Variants in CTSZ observed in about 807,000 individuals in gnomAD.
CTSZ encodes the protein cathepsin Z, also known as carboxypeptidase LB.
In CTSZ, 39 loss-of-function variants were observed where a neutral mutation model predicts 32.4. The observed-to-expected ratio is 1.20, with a 90% CI of 0.93 to 1.57. The LOEUF (loss-of-function observed/expected upper bound fraction) is 1.57, where lower values mean the gene tolerates loss of function less well. CTSZ is among the 40% of genes most tolerant of loss of function. The probability of loss-of-function intolerance (pLI) is 0.00; values close to 1 mark genes in which losing one functional copy is unlikely to be tolerated. For synonymous variants in CTSZ, 168 were observed against 170.1 expected, an observed-to-expected ratio of 0.99 and a Z score of 0.10; for missense variants, 397 against 419.6, an observed-to-expected ratio of 0.95 and a Z score of 0.47.
intron 2 of CTSZ, among the ~76,000 whole-genome samples, chr20:59,005,347 C>A (rs542783744): frequency 1.3e-5 from 2 of 152,304 alleles, no homozygotes; most frequent in Admixed American, 1.3e-4. Flanking sequence ...GGCTTCCGGG[C>A]TCAAATCTCA....
rs1250299273 is a variant in CTSZ at position 58,995,606 on chromosome 20, G to A, written c.*43C>T. 6.4e-7 allele frequency: 1 copy of A among 1,571,282 alleles called. No homozygotes were observed. Among genetic ancestry groups the A allele is most frequent in the African/African-American group, 1.3e-5 (1 of 74,230 alleles). ...ACCATAGGATCCCCTCTGGTCATGG[G>A]TCACCATGCCTTTTCTTAAACTGCG... On this transcript the variant is annotated 3_prime_UTR_variant, in exon 6 of 6. Coordinates refer to ENST00000217131, the MANE Select transcript of CTSZ (RefSeq NM_001336.4).
chr20:58,999,535 G>A (rs1555807556), intron 3 of CTSZ, among the ~76,000 whole-genome samples: 9 of 144,040 alleles, frequency 6.2e-5, no homozygotes, highest in Non-Finnish European at 1.4e-4. Flanking sequence ...CTTCTCGAAG[G>A]ACTCACTCAG....
intron 3 of CTSZ, among the ~76,000 whole-genome samples, chr20:58,999,799 G>C (rs571945361): frequency 7.8e-4 from 119 of 152,334 alleles, no homozygotes; most frequent in African/African-American, 2.4e-3. Flanking sequence ...GCCGGGCACG[G>C]TGGCTCACAC....
At chr20:58,999,958 A>G (rs1425160153) in intron 3 of CTSZ, among the ~76,000 whole-genome samples, 1 of 151,886 alleles carries the variant, frequency 6.6e-6, no homozygotes, top group Admixed American at 6.6e-5. Flanking sequence ...AGTCCCAGCT[A>G]CTCCGGAGGC....
At chr20:59,001,874 G>C (rs2091891366) in intron 2 of CTSZ, among the ~76,000 whole-genome samples, 1 of 152,244 alleles carries the variant, frequency 6.6e-6, no homozygotes, top group African/African-American at 2.4e-5. Flanking sequence ...TGTCCTGTCT[G>C]CCACACCTCC....
At position 58,997,561 on chromosome 20, in the gene CTSZ, C is replaced by T. The variant is rs1270024135; in HGVS notation, c.638+42G>A. 5 of 1,498,772 alleles carry T rather than the reference C, an allele frequency of 3.3e-6. No individual in the cohort carries two copies. The South Asian group carries it at 5.4e-5, about 16-fold the overall frequency. The allele number at this position is 1,498,772 out of a possible 1,614,324, so 92.8% of individuals were successfully genotyped here. Reference sequence around the variant, plus strand: ...CCTTTCCTCACCCGCGGGACCTTTCCTCACCCGCAAACCTCTCTTTGCCCG... The same window carrying T: ...CCTTTCCTCACCCGCGGGACCTTTCTTCACCCGCAAACCTCTCTTTGCCCG... On this transcript the variant is annotated intron_variant, in intron 4 of 5. Transcript: ENST00000217131.
chr20:58,997,131 C>T (rs1280642965), intron 4 of CTSZ, among the ~76,000 whole-genome samples: 1 of 142,894 alleles, frequency 7.0e-6, no homozygotes, highest in African/African-American at 2.6e-5. Context: ...CACTGCACTC[C>T]AGCCTGGGTG....
At position 59,004,472 on chromosome 20, in the gene CTSZ, A is replaced by G. The variant is rs2091901378; in HGVS notation, c.307+1850T>C. On this transcript the variant is annotated intron_variant, in intron 2 of 5. Coordinates refer to ENST00000217131, the MANE Select transcript of CTSZ (RefSeq NM_001336.4). The surrounding 1 kb of genome is among the most constrained non-coding windows in gnomAD (Gnocchi z 5.6). ...GAAAGAACAGTGCCGGTGGAGTGGCAGAGGTGGGACTGAGGCTGGAGTGGG... is the reference window on the plus strand; with the variant it reads ...GAAAGAACAGTGCCGGTGGAGTGGCGGAGGTGGGACTGAGGCTGGAGTGGG... 1.3e-5 allele frequency among the ~76,000 whole-genome samples: 2 copies of G among 151,998 alleles called. No homozygotes were observed. The highest frequency in any genetic ancestry group is 1.3e-4 in the Admixed American group (2 of 15,266).
At chr20:58,997,087 G>A (rs970357150) in intron 4 of CTSZ, among the ~76,000 whole-genome samples, 24 of 150,574 alleles carry the variant, frequency 1.6e-4, no homozygotes, top group African/African-American at 5.2e-4. Context: ...GCTTGAGCCC[G>A]GGCGGTCAAG....
rs763420543 is a variant in CTSZ, at chr20:58,997,754, C to T, written c.488-1G>A. On this transcript the variant is annotated splice_acceptor_variant, in intron 3 of 5. Transcript: ENST00000217131. LOFTEE classifies it high-confidence loss of function. ...CCACATTGGTTAAACTTGTCACACT[C>T]TGGGGGAGAGCAAGAAAAGTCAGCA... 6.3e-7 allele frequency: 1 copy of T among 1,593,528 alleles called. No homozygotes were observed. The highest frequency in any genetic ancestry group is 8.5e-7 in the Non-Finnish European group (1 of 1,170,516).
At position 59,006,442 on chromosome 20, in the gene CTSZ, G is replaced by C. The variant is rs140246463; in HGVS notation, c.187C>G (p.Pro63Ala). 1.1e-5 allele frequency: 17 copies of C among 1,613,830 alleles called. No homozygotes were observed. The highest frequency in any genetic ancestry group is 5.0e-5 in the Admixed American group (3 of 60,008). Reference sequence around the variant, plus strand: ...ACATTGCGCCAGTCCCAGCTCTTGGGCAGATCCGCTGGGGACAGGTACTCA... The same window carrying C: ...ACATTGCGCCAGTCCCAGCTCTTGGCCAGATCCGCTGGGGACAGGTACTCA... ...PHEYLSPADL[P>A]KSWDWRNVDG... The change falls in exon 2 of 6, where the codon CCC (proline) becomes GCC (alanine). Residue 63 changes from proline (P) to alanine (A), a missense_variant. By Grantham distance (27) the Pro-to-Ala change is conservative. Transcript: ENST00000217131.
At chr20:58,996,840 G>C in intron 4 of CTSZ, 39 bp from the exon 5 acceptor site, 5 of 1,601,190 alleles carry the variant, frequency 3.1e-6, no homozygotes, top group Non-Finnish European at 4.3e-6. Context: ...CTTTTAAATT[G>C]AGAGAATTTA....
chr20:58,998,135 G>A (rs971649052), intron 3 of CTSZ, among the ~76,000 whole-genome samples: 2 of 152,042 alleles, frequency 1.3e-5, no homozygotes, highest in Non-Finnish European at 2.9e-5. Flanking sequence ...GAATAAATAG[G>A]CCAATACTTT....
At chr20:59,006,734 G>GT (rs931502315) in intron 1 of CTSZ, among the ~76,000 whole-genome samples, 1 of 152,210 alleles carries the variant, frequency 6.6e-6, no homozygotes, top group Non-Finnish European at 1.5e-5. Flanking sequence ...ATGCCGCGCC[G>GT]TAAGGGCCAC....
In CTSZ at chr20:58,996,802, C is replaced by T. The variant is rs2091862802; in HGVS notation, c.639-1G>A. The T allele has an allele frequency of 6.2e-7, 1 of 1,613,500 alleles. No individual in the cohort carries two copies. The highest frequency in any genetic ancestry group is 8.5e-7 in the Non-Finnish European group (1 of 1,179,770). On this transcript the variant is annotated splice_acceptor_variant, in intron 4 of 5. Coordinates refer to ENST00000217131, the MANE Select transcript of CTSZ (RefSeq NM_001336.4). LOFTEE classifies it high-confidence loss of function. ...TCTTTCTGTTGCCATTATTCCACAG[C>T]TGAGAGCAAGCAGTTAAAGAATTAC...
chr20:59,006,963 G>A (rs1325274266), intron 1 of CTSZ, 23 bp downstream of exon 1: 2 of 1,408,796 alleles, frequency 1.4e-6, no homozygotes, highest in Admixed American at 3.2e-5. Context: ...TCCCCCCAGG[G>A]CTGCCTCCCC....
At chr20:59,006,283 T>C in intron 2 of CTSZ, 39 bp downstream of exon 2, 2 of 1,552,544 alleles carry the variant, frequency 1.3e-6, no homozygotes, top group Non-Finnish European at 8.7e-7. Context: ...GCAGCCGGGA[T>C]GGGCTTTCCT....
chr20:59,006,166 G>C (rs996004690), intron 2 of CTSZ, 156 bp downstream of exon 2: 19 of 980,224 alleles, frequency 1.9e-5, no homozygotes, highest in Admixed American at 1.2e-4. Context: ...CCTCAGCAGA[G>C]GGCAAAGGCC....
intron 2 of CTSZ, 64 bp from the exon 3 acceptor site, chr20:59,001,708 C>G: frequency 4.5e-6 from 7 of 1,550,660 alleles, no homozygotes; most frequent in Non-Finnish European, 6.1e-6. Context: ...CCGAACGGAC[C>G]TGGACGCCTC....
Sources: gnomAD v4.1 joint callset for allele counts (sites outside exome capture counted in the v4.1 genomes callset) on GRCh38, gnomAD v4.1.1 for gene constraint, Gnocchi (gnomAD v3.1) non-coding constraint, MANE v1.5 for transcripts, NCBI Gene and HGNC (gene_info 2026-07-23, HGNC 2026-07-21) for gene names.